The following ARHGAP42 variants were observed in gnomAD, a reference collection of about 807,000 sequenced individuals.
ARHGAP42 encodes rho GTPase-activating protein 42.
In ARHGAP42, 63 loss-of-function variants were observed where a neutral mutation model predicts 125.0. The ratio of observed to expected loss-of-function variants is 0.50; its 90% CI spans 0.41 to 0.62. ARHGAP42 has a LOEUF of 0.62. Ranked by LOEUF, ARHGAP42 falls within the 20% of genes least tolerant of loss-of-function variation. ARHGAP42 has a pLI of 0.00. For missense variants in ARHGAP42, 766 were observed against 1,024.2 expected, an observed-to-expected ratio of 0.75 and a Z score of 3.44; for synonymous variants, 339 against 351.0, an observed-to-expected ratio of 0.97 and a Z score of 0.38.
intron 16 of ARHGAP42, among the ~76,000 whole-genome samples, chr11:100,964,497 C>G (rs145032322): frequency 6.6e-6 from 1 of 152,282 alleles, no homozygotes; most frequent in East Asian, 1.9e-4. Context: ...TCTTTCCTCA[C>G]TCCATGTCTA....
rs652441 is a variant in ARHGAP42 at position 100,771,523 on chromosome 11, T to C, written c.250+1085T>C. On this transcript the variant is annotated intron_variant, in intron 2 of 23. Coordinates refer to ENST00000298815, the MANE Select transcript of ARHGAP42 (RefSeq NM_152432.4). ...TTACTAAGTGTACCCTACTTCTGGGTGTAAAAATACAATACTACAAACACT... is the reference window on the plus strand; with the variant it reads ...TTACTAAGTGTACCCTACTTCTGGGCGTAAAAATACAATACTACAAACACT... 7.9e-3 allele frequency among the ~76,000 whole-genome samples: 1,205 copies of C among 152,296 alleles called. 15 individuals are homozygous for C. The highest frequency in any genetic ancestry group is 0.027 in the African/African-American group (1,135 of 41,550).
At chr11:100,852,168 CA>C (rs1361839272) in intron 3 of ARHGAP42, among the ~76,000 whole-genome samples, 1 of 152,082 alleles carries the variant, frequency 6.6e-6, no homozygotes, top group East Asian at 1.9e-4. Context: ...CATTCTCCCC[CA>C]TTAATGCACA....
chr11:100,933,794 C>CTT (rs35724249), intron 7 of ARHGAP42, among the ~76,000 whole-genome samples: 18 of 148,542 alleles, frequency 1.2e-4, no homozygotes, highest in Non-Finnish European at 1.9e-4. Flanking sequence ...TTAGAGAAGT[C>CTT]TTTTTTTTTT....
intron 6 of ARHGAP42, among the ~76,000 whole-genome samples, chr11:100,926,403 A>C (rs758721320): frequency 4.6e-5 from 7 of 152,218 alleles, no homozygotes; most frequent in Non-Finnish European, 7.3e-5. Context: ...TGGACACTTA[A>C]CTACAGAGAT....
chr11:100,818,743 AT>A (rs535751340), intron 3 of ARHGAP42, among the ~76,000 whole-genome samples: 1 of 151,756 alleles, frequency 6.6e-6, no homozygotes, highest in African/African-American at 2.4e-5. Context: ...GGTACGGTGT[AT>A]TTTTTCTCTG....
chr11:100,698,454 G>C (rs1861328276), intron 1 of ARHGAP42, among the ~76,000 whole-genome samples: 1 of 152,150 alleles, frequency 6.6e-6, no homozygotes, highest in Non-Finnish European at 1.5e-5. Context: ...CTGGGCCACA[G>C]AGCGAGACCC....
At chr11:100,843,321 T>TA (rs1280026150) in intron 3 of ARHGAP42, among the ~76,000 whole-genome samples, 5 of 151,848 alleles carry the variant, frequency 3.3e-5, no homozygotes, top group Admixed American at 3.3e-4. Context: ...GAAATGGTAA[T>TA]AAAAAAATTA....
chr11:100,921,434 G>T (rs1487876515), intron 5 of ARHGAP42, 60 bp from the exon 6 acceptor site: 1 of 1,225,766 alleles, frequency 8.2e-7, no homozygotes, highest in Non-Finnish European at 1.1e-6. Flanking sequence ...TACCAGAGCA[G>T]GAATTGAGTC....
intron 2 of ARHGAP42, among the ~76,000 whole-genome samples, chr11:100,780,785 A>C (rs565403763): frequency 3.3e-5 from 5 of 152,326 alleles, no homozygotes; most frequent in East Asian, 3.9e-4. Context: ...AAGTAGTTTA[A>C]ATTTTTTTTG....
At chr11:100,958,721 A>C (rs867549030) in intron 12 of ARHGAP42, among the ~76,000 whole-genome samples, 1 of 151,978 alleles carries the variant, frequency 6.6e-6, no homozygotes, top group Non-Finnish European at 1.5e-5. Flanking sequence ...TTACATTTTG[A>C]GAAAATAGGC....
chr11:100,755,489 A>G (rs909157969), intron 1 of ARHGAP42, among the ~76,000 whole-genome samples: 3 of 152,364 alleles, frequency 2.0e-5, no homozygotes. Flanking sequence ...ACAGAGAGAT[A>G]TTAGTACTAT....
intron 8 of ARHGAP42, 33 bp from the exon 9 acceptor site, chr11:100,941,750 CA>C: frequency 7.4e-7 from 1 of 1,357,968 alleles, no homozygotes; most frequent in Non-Finnish European, 1.0e-6. Flanking sequence ...CATTTATTAA[CA>C]AAATCTGAAA....
intron 3 of ARHGAP42, among the ~76,000 whole-genome samples, chr11:100,806,106 T>C (rs929958630): frequency 3.9e-5 from 6 of 152,206 alleles, no homozygotes; most frequent in Non-Finnish European, 5.9e-5. Flanking sequence ...TATATTTCTA[T>C]GAAAACTTTA....
chr11:100,735,167 C>T (rs1862040081), intron 1 of ARHGAP42, among the ~76,000 whole-genome samples: 1 of 152,232 alleles, frequency 6.6e-6, no homozygotes, highest in Non-Finnish European at 1.5e-5. Context: ...AACCATTTCT[C>T]ATTTCCCATC....
intron 2 of ARHGAP42, among the ~76,000 whole-genome samples, chr11:100,791,095 C>T (rs73575571): frequency 0.032 from 4,881 of 152,170 alleles, 256 homozygotes; most frequent in African/African-American, 0.11. Flanking sequence ...TGCTTTTTGT[C>T]CAAAGTCTGG....
intron 1 of ARHGAP42, among the ~76,000 whole-genome samples, chr11:100,737,366 G>A (rs1862088328): frequency 1.3e-5 from 2 of 152,182 alleles, no homozygotes; most frequent in Non-Finnish European, 2.9e-5. Flanking sequence ...GTTTTGTAGG[G>A]TTGACGTGGA....
At chr11:100,947,969 G>A (rs1266155627) in intron 10 of ARHGAP42, among the ~76,000 whole-genome samples, 1 of 151,904 alleles carries the variant, frequency 6.6e-6, no homozygotes, top group Non-Finnish European at 1.5e-5. Context: ...TTGTCATCAT[G>A]GTACAGAGAA....
At chr11:100,875,105 C>G (rs61890818) in intron 4 of ARHGAP42, among the ~76,000 whole-genome samples, 1,189 of 48,822 alleles carry the variant, frequency 0.024, 4 homozygotes, top group Admixed American at 0.04. Flanking sequence ...CTCTCTCTCT[C>G]TCTGTGTGTG....
intron 4 of ARHGAP42, among the ~76,000 whole-genome samples, chr11:100,863,009 C>T (rs1301239447): frequency 1.4e-5 from 2 of 144,160 alleles, no homozygotes; most frequent in Non-Finnish European, 3.0e-5. Context: ...TTCACTGCAG[C>T]CTGGGTAACA....
Sources: gnomAD v4.1 joint callset for allele counts (sites outside exome capture counted in the v4.1 genomes callset) on GRCh38, gnomAD v4.1.1 for gene constraint, MANE v1.5 for transcripts, NCBI Gene and HGNC (gene_info 2026-07-23, HGNC 2026-07-21) for gene names.